DNAH9: variants seen among roughly 807,000 people sequenced by gnomAD.
The protein encoded by DNAH9 is DNAH9 variant protein.
In DNAH9, 345 loss-of-function variants were observed where a neutral mutation model predicts 471.6. The ratio of observed to expected loss-of-function variants is 0.73; its 90% CI spans 0.67 to 0.80. DNAH9 has a LOEUF of 0.80. Among genes scored for constraint, DNAH9 ranks in the 30% least tolerant of loss-of-function variants. The pLI is 0.00. For synonymous variants in DNAH9, 2,093 were observed against 2,123.6 expected (o/e 0.99, Z 0.40); for missense variants, 5,407 against 5,609.2 (o/e 0.96, Z 1.15).
At chr17:11,817,916 C>G (rs917254572) in intron 45 of DNAH9, among the ~76,000 whole-genome samples, 1 of 152,138 alleles carries the variant, frequency 6.6e-6, no homozygotes, top group Non-Finnish European at 1.5e-5. Context: ...ATGATAAAAG[C>G]TAATTAGTAT....
rs1383886814 is a variant in DNAH9 at position 11,679,982 on chromosome 17, C to T, written c.3576+3C>T. 1.2e-6 allele frequency: 2 copies of T among 1,609,404 alleles called. No individual in the cohort carries two copies. Among genetic ancestry groups the T allele is most frequent in the Non-Finnish European group, 8.5e-7 (1 of 1,176,112 alleles). On this transcript the variant is annotated splice_donor_region_variant and intron_variant, in intron 18 of 68. Coordinates refer to ENST00000262442, the MANE Select transcript of DNAH9 (RefSeq NM_001372.4). ...AAACAGTGTTTAAGCAGCTGGAGGTCAGTGCATTTATGTCTTCCTTATAAA... is the reference window on the plus strand; with the variant it reads ...AAACAGTGTTTAAGCAGCTGGAGGTTAGTGCATTTATGTCTTCCTTATAAA...
At chr17:11,960,447 A>ACC (rs1221830599) in intron 67 of DNAH9, among the ~76,000 whole-genome samples, 15 of 146,540 alleles carry the variant, frequency 1.0e-4, no homozygotes, top group East Asian at 2.0e-4. Flanking sequence ...AAAAAAAAAA[A>ACC]AAAAAAAAAA....
chr17:11,822,174 G>C, intron 46 of DNAH9, 112 bp downstream of exon 46: 2 of 1,292,824 alleles, frequency 1.5e-6, no homozygotes, highest in South Asian at 2.9e-5. Context: ...TAGGTGGTGA[G>C]TGTGCGGCAC....
chr17:11,739,234 A>AT (rs1227516427), intron 29 of DNAH9, among the ~76,000 whole-genome samples, 197 bp downstream of exon 29: 1 of 152,208 alleles, frequency 6.6e-6, no homozygotes, highest in Non-Finnish European at 1.5e-5. Context: ...CTGTATATAC[A>AT]TTTTAAATCC....
At chr17:11,844,119 ACTT>A (rs543365470) in intron 49 of DNAH9, among the ~76,000 whole-genome samples, 95 of 151,568 alleles carry the variant, frequency 6.3e-4, no homozygotes, top group African/African-American at 2.0e-3. Flanking sequence ...GAACTAGAAA[ACTT>A]CTCAAAAGTT....
intron 67 of DNAH9, among the ~76,000 whole-genome samples, chr17:11,958,173 A>G (rs1031983331): frequency 2.6e-5 from 4 of 152,234 alleles, no homozygotes; most frequent in African/African-American, 9.6e-5. Context: ...AAAAGGCTAC[A>G]TACTGTATTA....
intron 56 of DNAH9, among the ~76,000 whole-genome samples, chr17:11,885,266 AC>A (rs1412040439): frequency 6.6e-6 from 1 of 152,184 alleles, no homozygotes; most frequent in East Asian, 1.9e-4. Context: ...GGAACACTCA[AC>A]CCACATTGGG....
At chr17:11,899,574 A>C (rs2151010627) in intron 59 of DNAH9, among the ~76,000 whole-genome samples, 1 of 152,346 alleles carries the variant, frequency 6.6e-6, no homozygotes, top group South Asian at 2.1e-4. Flanking sequence ...AATTGTATTC[A>C]ATCTAGAGCT....
intron 19 of DNAH9, 56 bp downstream of exon 19, chr17:11,680,945 T>C: frequency 2.0e-6 from 3 of 1,477,286 alleles, no homozygotes; most frequent in South Asian, 1.3e-5. Flanking sequence ...CTTTGAGTCA[T>C]GGATAATCTT....
At chr17:11,671,602 C>T (rs2073973505) in intron 17 of DNAH9, among the ~76,000 whole-genome samples, 1 of 152,150 alleles carries the variant, frequency 6.6e-6, no homozygotes. Flanking sequence ...AGCATGAGAG[C>T]CCCATAGAGG....
At chr17:11,875,494 A>G (rs978544658) in intron 53 of DNAH9, among the ~76,000 whole-genome samples, 13 of 151,980 alleles carry the variant, frequency 8.6e-5, no homozygotes, top group African/African-American at 3.1e-4. Context: ...TTCATATCCC[A>G]TTGTCACATA....
chr17:11,718,478 G>C (rs925100607), intron 26 of DNAH9, among the ~76,000 whole-genome samples: 2 of 152,196 alleles, frequency 1.3e-5, no homozygotes, highest in African/African-American at 4.8e-5. Context: ...TCCTAGGAGG[G>C]GAGTTGCTGA....
At chr17:11,777,018 T>C (rs1228333201) in intron 38 of DNAH9, among the ~76,000 whole-genome samples, 1 of 151,878 alleles carries the variant, frequency 6.6e-6, no homozygotes, top group Non-Finnish European at 1.5e-5. Context: ...AAAGATAATT[T>C]TAAGTTATTT....
At chr17:11,614,889 C>G (rs371071653) in intron 4 of DNAH9, among the ~76,000 whole-genome samples, 2 of 152,182 alleles carry the variant, frequency 1.3e-5, no homozygotes, top group Admixed American at 6.5e-5. Context: ...CAACTCTTAA[C>G]ACCATCACAT....
intron 26 of DNAH9, among the ~76,000 whole-genome samples, chr17:11,712,219 C>T (rs561533963): frequency 4.9e-5 from 7 of 143,864 alleles, no homozygotes; most frequent in Non-Finnish European, 1.1e-4. Flanking sequence ...TTTAAAAACT[C>T]CCATATTTTT....
At position 11,679,905 on chromosome 17, in the gene DNAH9, C is replaced by G. The variant is rs753780342; in HGVS notation, c.3502C>G (p.Pro1168Ala). 6.2e-6 allele frequency: 10 copies of G among 1,613,898 alleles called. No individual in the cohort carries two copies. The highest frequency in any genetic ancestry group is 8.5e-6 in the Non-Finnish European group (10 of 1,179,982). The change falls in exon 18 of 69, where the codon CCC (proline) becomes GCC (alanine). Residue 1168 changes from proline (P) to alanine (A), a missense_variant. Around this residue, in one of 3 missense-constraint regions of DNAH9, gnomAD observed 4,636 missense variants for 4,900.3 expected, o/e 0.95. Coordinates refer to ENST00000262442, the MANE Select transcript of DNAH9 (RefSeq NM_001372.4). ...RQSNTDEMFE[P>A]LKQTIELLKT... Reference sequence around the variant, plus strand: ...GAGTAACACTGATGAGATGTTTGAGCCCTTAAAGCAGACTATTGAATTGCT... The same window carrying G: ...GAGTAACACTGATGAGATGTTTGAGGCCTTAAAGCAGACTATTGAATTGCT...
intron 26 of DNAH9, among the ~76,000 whole-genome samples, chr17:11,714,446 G>A (rs7217083): frequency 0.83 from 126,492 of 152,078 alleles, 56,164 homozygotes; most frequent in Non-Finnish European, 0.98. Flanking sequence ...TATGCCTCGG[G>A]GCCTCCCTGA....
At chr17:11,773,844 A>C (rs1490251527) in intron 38 of DNAH9, among the ~76,000 whole-genome samples, 3 of 152,246 alleles carry the variant, frequency 2.0e-5, no homozygotes, top group African/African-American at 7.2e-5. Context: ...GAGTGCAGCT[A>C]ATAAGTGGGG....
intron 65 of DNAH9, among the ~76,000 whole-genome samples, chr17:11,936,534 A>G (rs1974719105): frequency 6.6e-6 from 1 of 152,026 alleles, no homozygotes; most frequent in African/African-American, 2.4e-5. Context: ...TACTTGGGAG[A>G]CTGAGGTGGA....
Sources: gnomAD v4.1 joint callset for allele counts (sites outside exome capture counted in the v4.1 genomes callset) on GRCh38, gnomAD v4.1.1 for gene constraint, gnomAD v4.1.1 regional missense constraint, MANE v1.5 for transcripts, NCBI Gene and HGNC (gene_info 2026-07-23, HGNC 2026-07-21) for gene names.